Variants in CFH observed in about 807,000 individuals in gnomAD.
The protein encoded by CFH is complement factor H, also known as H factor 1 (complement).
CFH carries 53 observed loss-of-function variants against 147.3 expected under a neutral mutation model. That is an observed-to-expected ratio of 0.36 (90% CI 0.29 to 0.45). CFH has a LOEUF of 0.45. CFH is among the 20% of genes least tolerant of loss of function. The pLI, the probability that CFH is intolerant of heterozygous loss-of-function variation, is 1.00. For missense variants in CFH, 1,380 were observed against 1,498.0 expected (o/e 0.92, Z 1.30); for synonymous variants, 536 against 489.4 (o/e 1.10, Z -1.26).
chr1:196,730,558 A>G (rs1410789974), intron 15 of CFH, among the ~76,000 whole-genome samples: 1 of 151,756 alleles, frequency 6.6e-6, no homozygotes, highest in Non-Finnish European at 1.5e-5. Flanking sequence ...TTTTTTTGTT[A>G]TGTGGAATGT....
At chr1:196,729,632 C>T (rs1174940332) in intron 15 of CFH, among the ~76,000 whole-genome samples, 1 of 151,946 alleles carries the variant, frequency 6.6e-6, no homozygotes, top group Non-Finnish European at 1.5e-5. Flanking sequence ...ATGATCTCCT[C>T]ATCAAATTTT....
intron 4 of CFH, 182 bp from the exon 5 acceptor site, chr1:196,677,294 A>G: frequency 1.7e-6 from 1 of 587,446 alleles, no homozygotes. Flanking sequence ...TCAGGAATAA[A>G]CATTCCATTT....
At chr1:196,661,427 C>A (rs1295473589) in intron 1 of CFH, among the ~76,000 whole-genome samples, 1 of 152,168 alleles carries the variant, frequency 6.6e-6, no homozygotes, top group Non-Finnish European at 1.5e-5. Context: ...GAATGTATTT[C>A]TTACACTTCT....
rs10737680 is a variant in CFH at position 196,710,325 on chromosome 1, A to C, written c.1337-3410A>C. 0.44 allele frequency among the ~76,000 whole-genome samples: 66,799 copies of C among 151,904 alleles called. 14,845 individuals are homozygous for C. The highest frequency in any genetic ancestry group is 0.56 in the South Asian group (2,685 of 4,808). On this transcript the variant is annotated intron_variant, in intron 9 of 21. Transcript: ENST00000367429. ...TCTTTGCTGCAAACCCTACTGTCTCAGCGTATTGGTCTATTGCTAAACAGT... is the reference window on the plus strand; with the variant it reads ...TCTTTGCTGCAAACCCTACTGTCTCCGCGTATTGGTCTATTGCTAAACAGT...
intron 7 of CFH, among the ~76,000 whole-genome samples, chr1:196,688,905 C>T (rs562210286): frequency 1.3e-5 from 2 of 152,204 alleles, no homozygotes; most frequent in Admixed American, 6.6e-5. Flanking sequence ...GCCACTGCGC[C>T]CAGCCCATGA....
chr1:196,715,591 A>G lies in CFH; in HGVS notation c.1520-2A>G. ...TGACATTCTAAATTTTTTATGCACT[A>G]GAATCTTGTGATATCCCAGTATTTA... On this transcript the variant is annotated splice_acceptor_variant, in intron 10 of 21. Transcript: ENST00000367429. LOFTEE classifies it high-confidence loss of function. 1 of 1,608,428 alleles carries G rather than the reference A, an allele frequency of 6.2e-7. No individual in the cohort carries two copies. The highest frequency in any genetic ancestry group is 8.5e-7 in the Non-Finnish European group (1 of 1,175,358).
At position 196,728,211 on chromosome 1, in the gene CFH, C is replaced by T. The variant is rs954872480; in HGVS notation, c.2237-135C>T. ...TTTGATGCAATGTGATCAGGAATAACTTGGTTGGTGAAATTTATAATGATT... is the reference window on the plus strand; with the variant it reads ...TTTGATGCAATGTGATCAGGAATAATTTGGTTGGTGAAATTTATAATGATT... On this transcript the variant is annotated intron_variant, in intron 14 of 21. Coordinates refer to ENST00000367429, the MANE Select transcript of CFH (RefSeq NM_000186.4). 5 of 627,942 alleles carry T rather than the reference C, an allele frequency of 8.0e-6. No homozygotes were observed. In the African/African-American group the frequency reaches 9.3e-5, roughly 12 times the overall value. The allele number at this position is 627,942 out of a possible 1,614,324, so 38.9% of individuals were successfully genotyped here. A position where few individuals can be genotyped will look rare whatever the true frequency, so the allele number is the denominator to read the frequency against.
At chr1:196,681,866 G>A (rs1478957038) in intron 6 of CFH, among the ~76,000 whole-genome samples, 4 of 151,822 alleles carry the variant, frequency 2.6e-5, no homozygotes, top group Admixed American at 2.6e-4. Flanking sequence ...TTGGTACAAA[G>A]CAAGGATCTA....
At chr1:196,694,647 G>T (rs530400870) in intron 9 of CFH, among the ~76,000 whole-genome samples, 1 of 152,046 alleles carries the variant, frequency 6.6e-6, no homozygotes, top group Non-Finnish European at 1.5e-5. Flanking sequence ...CTATTTCTCC[G>T]CATCCTCGCC....
chr1:196,707,407 T>C (rs1668617096), intron 9 of CFH, among the ~76,000 whole-genome samples: 1 of 152,226 alleles, frequency 6.6e-6, no homozygotes, highest in Non-Finnish European at 1.5e-5. Context: ...TTAACTACTA[T>C]TCACGAGTTT....
At chr1:196,730,002 C>T (rs975361581) in intron 15 of CFH, among the ~76,000 whole-genome samples, 1 of 151,520 alleles carries the variant, frequency 6.6e-6, no homozygotes, top group Non-Finnish European at 1.5e-5. Flanking sequence ...CTGGTTAAAG[C>T]TTTGTCAATT....
At chr1:196,714,703 A>AGAGAGG (rs1305954868) in intron 10 of CFH, among the ~76,000 whole-genome samples, 3 of 128,818 alleles carry the variant, frequency 2.3e-5, no homozygotes, top group Admixed American at 8.0e-5. Context: ...AGAGAGAGAG[A>AGAGAGG]GAGAGAGAGA....
chr1:196,715,228 T>C (rs35216365), intron 10 of CFH, among the ~76,000 whole-genome samples: 2 of 152,052 alleles, frequency 1.3e-5, no homozygotes, highest in Non-Finnish European at 2.9e-5. Flanking sequence ...AACTACGAAT[T>C]AGTTTGGACT....
At chr1:196,711,752 G>A (rs1240554317) in intron 9 of CFH, among the ~76,000 whole-genome samples, 1 of 151,950 alleles carries the variant, frequency 6.6e-6, no homozygotes, top group Admixed American at 6.6e-5. Flanking sequence ...CCATTTAAAT[G>A]TCTCCCTGTG....
In CFH at chr1:196,673,052, G is replaced by A; in HGVS notation, c.133G>A (p.Gly45Ser). ...CTGGTCTGACCAAACATATCCAGAA[G>A]GCACCCAGGCTATCTATAAATGCCG... Reference protein sequence around the residue: ...GSWSDQTYPEGTQAIYKCRPG... With the variant: ...GSWSDQTYPESTQAIYKCRPG... Residue 45 changes from glycine (G) to serine (S), a missense_variant, in exon 2 of 22, where the codon GGC becomes AGC. By Grantham distance (56) the Gly-to-Ser change is moderately conservative. This residue lies in a region of CFH where 260 missense variants were observed against 263.3 expected (regional missense o/e 0.99). Transcript: ENST00000367429. 1 of 1,614,016 alleles carries A rather than the reference G, an allele frequency of 6.2e-7. No homozygotes were observed. Among genetic ancestry groups the A allele is most frequent in the South Asian group, 1.1e-5 (1 of 91,086 alleles).
intron 15 of CFH, among the ~76,000 whole-genome samples, chr1:196,735,280 A>G (rs1276165620): frequency 1.3e-5 from 2 of 152,060 alleles, no homozygotes; most frequent in Non-Finnish European, 2.9e-5. Context: ...TTCTAATTTA[A>G]TTCTCTTGTG....
Position 196,728,374 on chromosome 1 carries a change from A to G in CFH, c.2265A>G (p.Ser755=). 1 of 1,564,320 alleles carries G rather than the reference A, an allele frequency of 6.4e-7. No individual in the cohort carries two copies. The highest frequency in any genetic ancestry group is 8.7e-7 in the Non-Finnish European group (1 of 1,146,748). Residue 755 remains serine, a synonymous_variant, in exon 15 of 22, where the codon TCA becomes TCG. Coordinates refer to ENST00000367429, the MANE Select transcript of CFH (RefSeq NM_000186.4). Reference sequence around the variant, plus strand: ...TAGATAAACTTAAGAAGTGCAAATCATCAAATTTAATTATACTTGAGGAAC... The same window carrying G: ...TAGATAAACTTAAGAAGTGCAAATCGTCAAATTTAATTATACTTGAGGAAC... The part of the protein sequence containing the change: ...VAIDKLKKCK[S]SNLIILEEHL...
chr1:196,703,901 G>A (rs1406305497), intron 9 of CFH, among the ~76,000 whole-genome samples: 4 of 141,854 alleles, frequency 2.8e-5, no homozygotes, highest in East Asian at 2.3e-4. Context: ...GAAGAACGGC[G>A]TGAATCGGGG....
At chr1:196,692,548 TTTTC>T (rs144705233) in intron 9 of CFH, among the ~76,000 whole-genome samples, 4,219 of 141,498 alleles carry the variant, frequency 0.03, 196 homozygotes, top group African/African-American at 0.1. Flanking sequence ...TTCTTTTTCT[TTTTC>T]TTTCTTTCTT....
Sources: gnomAD v4.1 joint callset for allele counts (sites outside exome capture counted in the v4.1 genomes callset) on GRCh38, gnomAD v4.1.1 for gene constraint, gnomAD v4.1.1 regional missense constraint, MANE v1.5 for transcripts, NCBI Gene and HGNC (gene_info 2026-07-23, HGNC 2026-07-21) for gene names.